The following NUP214 variants were observed in gnomAD, a reference collection of about 807,000 sequenced individuals.
NUP214 encodes nuclear pore complex protein Nup214.
In NUP214, 79 loss-of-function variants were observed where a neutral mutation model predicts 196.2. That is an observed-to-expected ratio of 0.40 (90% CI 0.34 to 0.49). The LOEUF is 0.49. Among genes scored for constraint, NUP214 ranks in the 20% least tolerant of loss-of-function variants. NUP214 has a pLI of 0.58. For missense variants in NUP214, 2,468 were observed against 2,539.0 expected, an observed-to-expected ratio of 0.97 and a Z score of 0.60; for synonymous variants, 1,020 against 990.5, an observed-to-expected ratio of 1.03 and a Z score of -0.56.
intron 24 of NUP214, among the ~76,000 whole-genome samples, chr9:131,180,857 ATACT>A (rs1454596608): frequency 6.6e-6 from 1 of 152,212 alleles, no homozygotes; most frequent in Non-Finnish European, 1.5e-5. Context: ...CTTTCAACAA[ATACT>A]TAATGAGCAT....
chr9:131,167,855 CTTAA>C (rs1164684678), intron 21 of NUP214, among the ~76,000 whole-genome samples: 3 of 152,084 alleles, frequency 2.0e-5, no homozygotes, highest in Non-Finnish European at 2.9e-5. Flanking sequence ...TTTTTGTCCT[CTTAA>C]TTATGTCTTG....
Position 131,205,759 on chromosome 9 carries a change from G to A in NUP214, c.5592+4042G>A, listed in dbSNP as rs1359291506. ...GCCCAGGCTGGAGTGTGGTGGCATG[G>A]TCTTGGCTCACTGCAACCTCTGCCT... On this transcript the variant is annotated intron_variant, in intron 30 of 35. Transcript: ENST00000359428. Among the ~76,000 whole-genome samples, 4 of 152,178 alleles carry A rather than the reference G, an allele frequency of 2.6e-5. No individual in the cohort carries two copies. The East Asian group carries it at 7.7e-4, about 29-fold the overall frequency.
chr9:131,200,270 A>G (rs997471767), intron 29 of NUP214, among the ~76,000 whole-genome samples: 4 of 152,214 alleles, frequency 2.6e-5, no homozygotes, highest in African/African-American at 9.6e-5. Context: ...CACCTACCCA[A>G]TCAGTGACAG....
At chr9:131,136,110 A>C (rs1341669104) in intron 9 of NUP214, 104 bp downstream of exon 9, 2 of 876,334 alleles carry the variant, frequency 2.3e-6, no homozygotes, top group African/African-American at 3.4e-5. Context: ...GTGCAATTTC[A>C]GCTTACTGCA....
Position 131,150,864 on chromosome 9 carries a change from A to G in NUP214, c.2277+99A>G, listed in dbSNP as rs1264894988. 3 of 1,190,894 alleles carry G rather than the reference A, an allele frequency of 2.5e-6. No homozygotes were observed. In the African/African-American group the frequency reaches 4.6e-5, roughly 18 times the overall value. 73.8% of individuals were successfully genotyped at this position (1,190,894 alleles called of 1,614,324 possible). A position where few individuals can be genotyped will look rare whatever the true frequency, so the allele number is the denominator to read the frequency against. ...TATGTACTTTATTTCTTCAAGGACC[A>G]CCAGTGTTGTTGTTTTTTTAACGTG... On this transcript the variant is annotated intron_variant, in intron 16 of 35. Coordinates refer to ENST00000359428, the MANE Select transcript of NUP214 (RefSeq NM_005085.4).
chr9:131,194,624 A>G (rs553787418), intron 27 of NUP214, among the ~76,000 whole-genome samples: 17 of 152,310 alleles, frequency 1.1e-4, no homozygotes, highest in African/African-American at 3.8e-4. Flanking sequence ...GTGTAAAGAA[A>G]ACGTACAAAA....
intron 25 of NUP214, among the ~76,000 whole-genome samples, chr9:131,187,712 C>T (rs898374326): frequency 2.0e-5 from 3 of 152,098 alleles, no homozygotes; most frequent in African/African-American, 7.2e-5. Flanking sequence ...ACATTCATGC[C>T]GTGTCTGTCT....
intron 8 of NUP214, 146 bp from the exon 9 acceptor site, chr9:131,135,794 C>A: frequency 1.7e-6 from 1 of 594,816 alleles, no homozygotes; most frequent in Non-Finnish European, 3.0e-6. Context: ...CATCTAGAAT[C>A]TTCCCACCTT....
At chr9:131,221,260 CCCAGCTG>C (rs1358128698) in intron 31 of NUP214, among the ~76,000 whole-genome samples, 1 of 152,218 alleles carries the variant, frequency 6.6e-6, no homozygotes, top group African/African-American at 2.4e-5. Context: ...TTCTTAACCA[CCCAGCTG>C]CCAGTACCTG....
At chr9:131,173,945 A>T in intron 21 of NUP214, 110 bp from the exon 22 acceptor site, 1 of 1,357,490 alleles carries the variant, frequency 7.4e-7, no homozygotes, top group Non-Finnish European at 1.0e-6. Flanking sequence ...AGTAATAATT[A>T]AATCATTTTA....
Position 131,136,553 on chromosome 9 carries a change from C to T in NUP214, c.1005+547C>T, listed in dbSNP as rs1434653259. The T allele has an allele frequency of 2.0e-5, 3 of 152,420 alleles. No individual in the cohort carries two copies. In the East Asian group the frequency reaches 5.8e-4, roughly 29 times the overall value. The allele number at this position is 152,420 out of a possible 1,614,324, so 9.4% of individuals were successfully genotyped here. On this transcript the variant is annotated intron_variant, in intron 9 of 35. Transcript: ENST00000359428. The stretch of plus-strand genomic sequence containing the variant: ...GTGTAGGCGGCTTTTTCTGCCTTGT[C>T]CTGTTTTGTCATCTTTGTTTTATTC...
intron 21 of NUP214, among the ~76,000 whole-genome samples, chr9:131,171,505 G>A (rs913494725): frequency 1.3e-5 from 2 of 151,736 alleles, no homozygotes; most frequent in South Asian, 2.1e-4. Flanking sequence ...CAAACCTAGC[G>A]GCTTAAAACA....
intron 30 of NUP214, among the ~76,000 whole-genome samples, 178 bp from the exon 31 acceptor site, chr9:131,215,034 G>T (rs1564214807): frequency 6.6e-6 from 1 of 152,184 alleles, no homozygotes; most frequent in East Asian, 1.9e-4. Flanking sequence ...ACTTCTCATA[G>T]ATAGGAAGTC....
In NUP214 at chr9:131,163,049, A is replaced by G. The variant is rs1272172651; in HGVS notation, c.2599A>G (p.Ile867Val). The G allele has an allele frequency of 2.5e-6, 4 of 1,614,216 alleles. No homozygotes were observed. Among genetic ancestry groups the G allele is most frequent in the South Asian group, 2.2e-5 (2 of 91,082 alleles). ...LFNTLANNRE[I>V]INQQRKRLNH... ...TAACACCCTAGCCAACAATCGGGAA[A>G]TCATCAACCAACAGAGGAAGAGGCT... Residue 867 changes from isoleucine (I) to valine (V), a missense_variant, in exon 19 of 36, where the codon ATC (isoleucine) becomes GTC (valine). Ile to Val is a conservative substitution (Grantham distance 29). Around this residue, in one of 5 missense-constraint regions of NUP214, gnomAD observed 1,801 missense variants for 1,779.4 expected, o/e 1.01. Coordinates refer to ENST00000359428, the MANE Select transcript of NUP214 (RefSeq NM_005085.4).
intron 9 of NUP214, among the ~76,000 whole-genome samples, 166 bp from the exon 10 acceptor site, chr9:131,139,112 ATCT>A (rs1457676652): frequency 1.3e-5 from 2 of 152,200 alleles, no homozygotes; most frequent in Non-Finnish European, 2.9e-5. Flanking sequence ...CTTTTAGGCC[ATCT>A]TCTCAGATTT....
chr9:131,169,034 G>GTTTTTTTTTTT (rs58054099), intron 21 of NUP214, among the ~76,000 whole-genome samples: 32 of 124,094 alleles, frequency 2.6e-4, no homozygotes, highest in Non-Finnish European at 2.5e-4. Context: ...GTTTTTTTTT[G>GTTTTTTTTTTT]TTTTTTTTTT....
At chr9:131,130,711 C>G in intron 4 of NUP214, 55 bp from the exon 5 acceptor site, 1 of 1,463,382 alleles carries the variant, frequency 6.8e-7, no homozygotes, top group Non-Finnish European at 9.6e-7. Flanking sequence ...TGTGATAGAT[C>G]TTATTGGTTT....
chr9:131,130,129 C>CTGGTT (rs1831486483), intron 4 of NUP214, among the ~76,000 whole-genome samples: 1 of 88,432 alleles, frequency 1.1e-5, no homozygotes, highest in Non-Finnish European at 2.2e-5. Flanking sequence ...AGAATGATTT[C>CTGGTT]TGGTTTTGTT....
At chr9:131,203,926 G>T (rs1337035685) in intron 30 of NUP214, among the ~76,000 whole-genome samples, 1 of 152,116 alleles carries the variant, frequency 6.6e-6, no homozygotes, top group Admixed American at 6.5e-5. Context: ...TGCACAAAGT[G>T]GGGAGTCTAA....
Sources: allele counts gnomAD v4.1 joint callset (sites outside exome capture counted in the v4.1 genomes callset), GRCh38; gene constraint gnomAD v4.1.1; regional missense constraint gnomAD v4.1.1; transcripts MANE v1.5; gene names NCBI Gene and HGNC (gene_info 2026-07-23, HGNC 2026-07-21).